PPP6R2: variants seen among roughly 807,000 people sequenced by gnomAD.
The protein encoded by PPP6R2 is protein phosphatase 6 regulatory subunit 2.
Under a neutral mutation model 100.2 loss-of-function variants are expected in PPP6R2, and 62 were observed. That is an observed-to-expected ratio of 0.62 (90% CI 0.50 to 0.76). The LOEUF (loss-of-function observed/expected upper bound fraction) is 0.76. Among genes scored for constraint, PPP6R2 ranks in the 30% least tolerant of loss-of-function variants. The pLI, the probability that PPP6R2 is intolerant of heterozygous loss-of-function variation, is 0.00. For synonymous variants in PPP6R2, 525 were observed against 514.7 expected (o/e 1.02, Z -0.27); for missense variants, 1,142 against 1,276.3 (o/e 0.89, Z 1.60).
chr22:50,370,670 G>A (rs147838603), intron 1 of PPP6R2, among the ~76,000 whole-genome samples: 2,504 of 151,088 alleles, frequency 0.017, 50 homozygotes, highest in East Asian at 0.093. Flanking sequence ...GTCTCACTCT[G>A]TTGCCCAGGC....
chr22:50,338,961 T>C (rs1361341567), upstream of PPP6R2, among the ~76,000 whole-genome samples: 1 of 128,770 alleles, frequency 7.8e-6, no homozygotes, highest in Non-Finnish European at 1.6e-5. Context: ...GTGGTGGGTG[T>C]GTAGGGTGTG....
rs908919500 is a variant in PPP6R2, at chr22:50,393,464, C to T, written c.-16-429C>T. 4.3e-5 allele frequency: 42 copies of T among 984,778 alleles called. No individual in the cohort carries two copies. In the African/African-American group the frequency reaches 6.1e-4, roughly 14 times the overall value. 61.0% of individuals were successfully genotyped at this position (984,778 alleles called of 1,614,324 possible). A position where few individuals can be genotyped will look rare whatever the true frequency, so the allele number is the denominator to read the frequency against. On this transcript the variant is annotated intron_variant, in intron 2 of 23. Transcript: ENST00000612753. ...CTGACACATGGGAGAGACACCTGGG[C>T]GCATTCGCCTAACAGAACTACAGAG...
At chr22:50,410,968 T>G (rs543054683) in intron 4 of PPP6R2, among the ~76,000 whole-genome samples, 2 of 152,206 alleles carry the variant, frequency 1.3e-5, no homozygotes, top group East Asian at 3.9e-4. Context: ...ATTTTTGTAT[T>G]TTTAGTAGAG....
chr22:50,347,406 G>A (rs1262737422), intron 1 of PPP6R2, among the ~76,000 whole-genome samples: 1 of 151,294 alleles, frequency 6.6e-6, no homozygotes, highest in African/African-American at 2.4e-5. Flanking sequence ...TTTTCCTGTC[G>A]CGCTCCCCAT....
In PPP6R2 at chr22:50,431,257, C is replaced by G. The variant is rs566684286; in HGVS notation, c.1210C>G (p.Arg404Gly). The G allele has an allele frequency of 6.2e-7, 1 of 1,613,624 alleles. No homozygotes were observed. Among genetic ancestry groups the G allele is most frequent in the Non-Finnish European group, 8.5e-7 (1 of 1,179,926 alleles). Residue 404 changes from arginine to glycine, a missense_variant, in exon 11 of 24, where the codon CGT (arginine) becomes GGT (glycine). By Grantham distance (125) the Arg-to-Gly change is moderately radical. Coordinates refer to ENST00000612753, the MANE Select transcript of PPP6R2 (RefSeq NM_001242898.2). This position sits in a 1 kb window ranked among gnomAD's most constrained non-coding sequence, Gnocchi z 4.8. ...CIAAILSHAA[R>G]EERTEASGSE... The stretch of plus-strand genomic sequence containing the variant: ...AGCCGCTATTCTCTCCCACGCTGCC[C>G]GTGAGGAGAGGACAGAAGCCAGCGG...
chr22:50,394,600 T>TAAAAA (rs67708136), intron 3 of PPP6R2, among the ~76,000 whole-genome samples: 1 of 80,564 alleles, frequency 1.2e-5, no homozygotes, highest in African/African-American at 5.3e-5. Context: ...ACCCTGTCTT[T>TAAAAA]AAAAAAAAAA....
At chr22:50,390,839 AAAT>A (rs1386720404) in intron 2 of PPP6R2, among the ~76,000 whole-genome samples, 1 of 150,890 alleles carries the variant, frequency 6.6e-6, no homozygotes, top group African/African-American at 2.4e-5. Flanking sequence ...TCTCTACTAA[AAAT>A]ACAAAAATTA....
the PPP6R2 span, among the ~76,000 whole-genome samples, chr22:50,332,883 A>G: frequency 6.6e-6 from 1 of 152,112 alleles, no homozygotes; most frequent in Admixed American, 6.6e-5. Flanking sequence ...CTGCCTCCCC[A>G]TGGGCTGGGA....
intron 4 of PPP6R2, among the ~76,000 whole-genome samples, chr22:50,408,050 G>C (rs2059220830): frequency 6.6e-6 from 1 of 152,052 alleles, no homozygotes; most frequent in Admixed American, 6.6e-5. Context: ...CACCTGGCTA[G>C]TTTTTAAAAT....
At chr22:50,365,437 C>T (rs916841900) in intron 1 of PPP6R2, among the ~76,000 whole-genome samples, 16 of 151,766 alleles carry the variant, frequency 1.1e-4, no homozygotes, top group Non-Finnish European at 1.8e-4. Context: ...CCAGCACTTT[C>T]GGAGGCCGAG....
chr22:50,397,610 T>TG (rs1321130896), intron 3 of PPP6R2, among the ~76,000 whole-genome samples: 41 of 108,556 alleles, frequency 3.8e-4, no homozygotes, highest in African/African-American at 1.4e-3. Flanking sequence ...TGACTTGGGA[T>TG]GGGGGCAGGG....
rs1279885246 is a variant in PPP6R2 at position 50,370,328 on chromosome 22, C to CA, written c.-147-1692_-147-1691insA. ...TTTGAGATGGAGTCTTGCACTGTCA[C>CA]CAGGGCTGGAGTGCAATGGCGCGAT... On this transcript the variant is annotated intron_variant, in intron 1 of 23. Coordinates refer to ENST00000612753, the MANE Select transcript of PPP6R2 (RefSeq NM_001242898.2). 1.9e-3 allele frequency among the ~76,000 whole-genome samples: 285 copies of CA among 152,286 alleles called. 2 individuals are homozygous for CA. Among genetic ancestry groups the CA allele is most frequent in the Non-Finnish European group, 3.4e-4 (23 of 68,020 alleles).
chr22:50,372,059 T>G lies in PPP6R2; in HGVS notation c.-108T>G, dbSNP rs1383673667. ...AATCTTCCACTGAATGAAAAAAATT[T>G]TCTTAAAGCTGCATATACTCCAAGA... On this transcript the variant is annotated 5_prime_UTR_variant, in exon 2 of 24. Transcript: ENST00000612753. 6 of 152,322 alleles carry G rather than the reference T, an allele frequency of 3.9e-5. No homozygotes were observed. In the East Asian group the frequency reaches 1.2e-3, roughly 29 times the overall value. 9.4% of individuals were successfully genotyped at this position (152,322 alleles called of 1,614,324 possible).
At chr22:50,332,185 C>T in the PPP6R2 span, among the ~76,000 whole-genome samples, 1 of 151,806 alleles carries the variant, frequency 6.6e-6, no homozygotes, top group Non-Finnish European at 1.5e-5. Context: ...AATGTCTTAA[C>T]CTAAGGTCCT....
chr22:50,443,349 ACCTGAGTG>A (rs2066248994), intron 22 of PPP6R2: 1 of 154,372 alleles, frequency 6.5e-6, no homozygotes, highest in African/African-American at 2.4e-5. Flanking sequence ...CCCCCGCCTG[ACCTGAGTG>A]CCCCTCCCTC....
the PPP6R2 span, among the ~76,000 whole-genome samples, chr22:50,338,082 TGTGTA>T: frequency 3.5e-4 from 49 of 138,166 alleles, no homozygotes; most frequent in Admixed American, 2.7e-3. Flanking sequence ...GTGTGTGTGA[TGTGTA>T]GTGTGTGTGG....
At chr22:50,432,146 G>A in intron 11 of PPP6R2, 119 bp from the exon 12 acceptor site, 2 of 885,362 alleles carry the variant, frequency 2.3e-6, no homozygotes, top group Non-Finnish European at 3.5e-6. Flanking sequence ...AGCAGTCAGG[G>A]CCTGCAAAGT....
chr22:50,381,305 C>T (rs2052909532), intron 2 of PPP6R2, among the ~76,000 whole-genome samples: 1 of 99,066 alleles, frequency 1.0e-5, no homozygotes, highest in African/African-American at 4.2e-5. Context: ...CAGCACCACA[C>T]GGGCCCCACC....
intron 4 of PPP6R2, among the ~76,000 whole-genome samples, chr22:50,412,862 C>G (rs918079968): frequency 6.6e-6 from 1 of 151,112 alleles, no homozygotes; most frequent in Non-Finnish European, 1.5e-5. Context: ...CCAGGATGGT[C>G]TTGATCTCCT....
Sources: allele counts gnomAD v4.1 joint callset (sites outside exome capture counted in the v4.1 genomes callset), GRCh38; gene constraint gnomAD v4.1.1; non-coding constraint Gnocchi (gnomAD v3.1); transcripts MANE v1.5; gene names NCBI Gene and HGNC (gene_info 2026-07-23, HGNC 2026-07-21).